Variants in PCDH11X observed in about 807,000 individuals in gnomAD.
The protein encoded by PCDH11X is protocadherin-11 X-linked.
In PCDH11X, 18 loss-of-function variants were observed where a neutral mutation model predicts 53.3. The ratio of observed to expected loss-of-function variants is 0.34; its 90% confidence interval spans 0.23 to 0.50. PCDH11X has a LOEUF of 0.50. Ranked by LOEUF, PCDH11X falls within the 20% of genes least tolerant of loss-of-function variation. The probability of loss-of-function intolerance (pLI) is 0.98; values close to 1 mark genes in which losing one functional copy is unlikely to be tolerated. For synonymous variants in PCDH11X, 279 were observed against 393.3 expected (o/e 0.71, Z 3.44); for missense variants, 570 against 1,032.4 (o/e 0.55, Z 6.14).
chrX:91,882,013 A>T (rs1309264314), intron 6 of PCDH11X, among the ~76,000 whole-genome samples: 1 of 110,073 alleles, frequency 9.1e-6, no homozygotes, highest in Non-Finnish European at 1.9e-5. Flanking sequence ...CTGAAATTTT[A>T]TGTTTTATAA....
rs754403571 is a variant in PCDH11X at position 91,877,092 on chromosome X, C to T, written c.852C>T (p.Ile284=). The T allele has an allele frequency of 1.7e-6, 2 of 1,149,365 alleles. No homozygotes were observed. The highest frequency in any genetic ancestry group is 2.4e-6 in the Non-Finnish European group (2 of 848,720). 94.7% of individuals were successfully genotyped at this position (1,149,365 alleles called of 1,213,427 possible). The change falls in exon 6 of 11, where the codon ATC becomes ATT. Residue 284 remains isoleucine (I), a synonymous_variant. Coordinates refer to ENST00000682573, the MANE Select transcript of PCDH11X (RefSeq NM_032968.5). ...CTGACATAGGTGAAAATGCCAAGAT[C>T]CACTTCTCTTTCAGCAATCTAGTCT... ...TDADIGENAK[I]HFSFSNLVSN...
At chrX:92,208,484 C>T (rs1463034772) in intron 7 of PCDH11X, among the ~76,000 whole-genome samples, 4 of 52,764 alleles carry the variant, frequency 7.6e-5, no homozygotes, top group African/African-American at 2.8e-4. Context: ...TGTAAAGAAA[C>T]AACCGAAGGT....
At chrX:92,230,539 T>C (rs1269502755) in intron 7 of PCDH11X, among the ~76,000 whole-genome samples, 1 of 93,774 alleles carries the variant, frequency 1.1e-5, no homozygotes, top group Non-Finnish European at 2.1e-5. Context: ...ACATATATAA[T>C]ATCTATAATA....
chrX:92,165,344 A>G (rs2065715342), intron 6 of PCDH11X, among the ~76,000 whole-genome samples: 1 of 112,082 alleles, frequency 8.9e-6, no homozygotes, highest in South Asian at 3.7e-4. Flanking sequence ...CCAGTTTTCC[A>G]TTTTATTGAC....
intron 6 of PCDH11X, among the ~76,000 whole-genome samples, chrX:91,889,038 G>A (rs1940361725): frequency 9.0e-6 from 1 of 111,627 alleles, no homozygotes; most frequent in African/African-American, 3.3e-5. Flanking sequence ...TAGTTGTTGA[G>A]TGACACAAAC....
At chrX:92,466,809 A>G (rs1398976760) in intron 9 of PCDH11X, among the ~76,000 whole-genome samples, 3 of 109,704 alleles carry the variant, frequency 2.7e-5, no homozygotes, top group African/African-American at 9.9e-5. Context: ...TGACCTTTTT[A>G]GTTACCAAAT....
chrX:92,212,241 G>A (rs1355021925), intron 7 of PCDH11X, among the ~76,000 whole-genome samples: 1 of 111,530 alleles, frequency 9.0e-6, no homozygotes, highest in Non-Finnish European at 1.9e-5. Context: ...CAAACTACTA[G>A]CCTCAAGTAA....
At chrX:92,261,996 A>G (rs1465406647) in intron 7 of PCDH11X, among the ~76,000 whole-genome samples, 1 of 111,685 alleles carries the variant, frequency 9.0e-6, no homozygotes, top group Non-Finnish European at 1.9e-5. Flanking sequence ...GTGGAAGGAC[A>G]AGAAGCATAC....
chrX:91,884,206 A>G lies in PCDH11X; in HGVS notation c.3033+4933A>G, dbSNP rs776021827. 4.9e-4 allele frequency among the ~76,000 whole-genome samples: 53 copies of G among 109,232 alleles called. No homozygotes were observed. The Admixed American group carries it at 5.0e-3, about 10-fold the overall frequency. 94.9% of individuals were successfully genotyped at this position (109,232 alleles called of 115,157 possible). On this transcript the variant is annotated intron_variant, in intron 6 of 10. Coordinates refer to ENST00000682573, the MANE Select transcript of PCDH11X (RefSeq NM_032968.5). ...ACTCCGTCTCAAAAAAAAAAAAAAAAAAAAAAGAAAAAAAGTTATTTTTGT... is the reference window on the plus strand; with the variant it reads ...ACTCCGTCTCAAAAAAAAAAAAAAAGAAAAAAGAAAAAAAGTTATTTTTGT...
At chrX:91,883,475 G>C in intron 6 of PCDH11X, 1 of 754,193 alleles carries the variant, frequency 1.3e-6, no homozygotes, top group Non-Finnish European at 1.6e-6. Context: ...ACATAATATT[G>C]CTGAGAAAAT....
chrX:91,918,240 T>C (rs1325138861), intron 6 of PCDH11X, among the ~76,000 whole-genome samples: 1 of 110,491 alleles, frequency 9.1e-6, no homozygotes, highest in Non-Finnish European at 1.9e-5. Context: ...TTATTATTTA[T>C]TATTATTTTT....
chrX:92,317,530 A>T (rs1466840414), intron 8 of PCDH11X, among the ~76,000 whole-genome samples: 2 of 111,732 alleles, frequency 1.8e-5, no homozygotes, highest in African/African-American at 6.5e-5. Context: ...TGTTGATAAT[A>T]CTTTCCAGTG....
intron 6 of PCDH11X, among the ~76,000 whole-genome samples, chrX:92,098,218 A>T (rs2064173162): frequency 9.0e-6 from 1 of 110,671 alleles, no homozygotes; most frequent in African/African-American, 3.3e-5. Flanking sequence ...ACACTAATCT[A>T]AGTAACCAAA....
At chrX:92,506,447 A>T (rs2074063206) in intron 10 of PCDH11X, among the ~76,000 whole-genome samples, 1 of 100,865 alleles carries the variant, frequency 9.9e-6, no homozygotes, top group Admixed American at 1.1e-4. Context: ...TTTAATATGA[A>T]GGGATGTTTA....
chrX:92,186,888 A>G (rs1361176136), intron 6 of PCDH11X, among the ~76,000 whole-genome samples: 3 of 111,791 alleles, frequency 2.7e-5, no homozygotes, highest in Non-Finnish European at 5.6e-5. Flanking sequence ...AATTATCCTG[A>G]TTTGATCATT....
At chrX:91,983,614 T>C in intron 6 of PCDH11X, 1 of 382,210 alleles carries the variant, frequency 2.6e-6, no homozygotes, top group East Asian at 5.0e-5. Flanking sequence ...CTCCCGTTTT[T>C]AAAACCATCA....
At position 91,845,065 on chromosome X, in the gene PCDH11X, T is replaced by G. The variant is rs552307361; in HGVS notation, c.540+9021T>G. On this transcript the variant is annotated intron_variant, in intron 5 of 10. Coordinates refer to ENST00000682573, the MANE Select transcript of PCDH11X (RefSeq NM_032968.5). ...TTTTAGTTGAACAGAGTGCTTTATT[T>G]AAGTCACTGAATGATTATATGGATG... Among the ~76,000 whole-genome samples the G allele has an allele frequency of 4.2e-4, 47 of 111,921 alleles. 2 individuals are homozygous for G. In the South Asian group the frequency reaches 0.017, roughly 41 times the overall value.
chrX:92,482,457 A>G (rs1205457356), intron 10 of PCDH11X, among the ~76,000 whole-genome samples: 1 of 110,816 alleles, frequency 9.0e-6, no homozygotes, highest in Non-Finnish European at 1.9e-5. Flanking sequence ...TTCTTTTATC[A>G]TTATTAGTAT....
At chrX:92,248,239 A>G (rs946406062) in intron 7 of PCDH11X, among the ~76,000 whole-genome samples, 2 of 111,328 alleles carry the variant, frequency 1.8e-5, no homozygotes, top group Non-Finnish European at 3.8e-5. Context: ...ATAACTTCTC[A>G]ATCTGTTATA....
Sources: gnomAD v4.1 joint callset for allele counts (sites outside exome capture counted in the v4.1 genomes callset) on GRCh38, gnomAD v4.1.1 for gene constraint, MANE v1.5 for transcripts, NCBI Gene and HGNC (gene_info 2026-07-23, HGNC 2026-07-21) for gene names.